Variants in KIF11 observed in about 807,000 individuals in gnomAD.
KIF11 encodes kinesin family member 11.
A neutral mutation model predicts 121.0 loss-of-function variants in KIF11; 9 were observed. That is an observed-to-expected ratio of 0.07 (90% CI 0.04 to 0.13). The LOEUF is 0.13. Ranked by LOEUF, KIF11 falls within the 10% of genes least tolerant of loss-of-function variation. The pLI is 1.00. For synonymous variants in KIF11, 408 were observed against 421.0 expected (o/e 0.97, Z 0.38); for missense variants, 846 against 1,217.5 (o/e 0.69, Z 4.54).
rs1844941677 is a variant in KIF11 at position 92,648,153 on chromosome 10, T to C, written c.2548-59T>C. On this transcript the variant is annotated intron_variant, in intron 18 of 21. Coordinates refer to ENST00000260731, the MANE Select transcript of KIF11 (RefSeq NM_004523.4). The stretch of plus-strand genomic sequence containing the variant: ...GAAAAGGTAAGGGAAAATATGATGT[T>C]GAATAAAACACTGGCAACTTTAATT... 4.3e-6 allele frequency: 5 copies of C among 1,161,844 alleles called. No individual in the cohort carries two copies. The South Asian group carries it at 6.1e-5, about 14-fold the overall frequency. 72.0% of individuals were successfully genotyped at this position (1,161,844 alleles called of 1,614,324 possible).
chr10:92,624,299 C>T lies in KIF11; in HGVS notation c.1217+2826C>T, dbSNP rs866535752. Among the ~76,000 whole-genome samples, 15 of 140,352 alleles carry T rather than the reference C, an allele frequency of 1.1e-4. 1 individual carries two copies. The highest frequency in any genetic ancestry group is 2.7e-4 in the African/African-American group (10 of 37,170). 92.1% of individuals were successfully genotyped at this position (140,352 alleles called of 152,430 possible). A position where few individuals can be genotyped will look rare whatever the true frequency, so the allele number is the denominator to read the frequency against. On this transcript the variant is annotated intron_variant, in intron 10 of 21. Transcript: ENST00000260731. The stretch of plus-strand genomic sequence containing the variant: ...AGGCTGGAGTATAGTGGTGTGATCT[C>T]GGCTCACTGCAACCTCTGCCTCCCA...
intron 21 of KIF11, among the ~76,000 whole-genome samples, chr10:92,651,655 C>T (rs1844986479): frequency 6.6e-6 from 1 of 151,156 alleles, no homozygotes; most frequent in Admixed American, 6.6e-5. Context: ...GTGTGAGCCA[C>T]CGGCCCGGCC....
rs1320271428 is a variant in KIF11 at position 92,639,808 on chromosome 10, A to T, written c.2175A>T (p.Leu725Phe). 4 of 1,606,492 alleles carry T rather than the reference A, an allele frequency of 2.5e-6. No homozygotes were observed. In the South Asian group the frequency reaches 4.5e-5, roughly 18 times the overall value. The change falls in exon 17 of 22, where the codon TTA (leucine) becomes TTT (phenylalanine). Residue 725 changes from leucine to phenylalanine, a missense_variant. Leu to Phe is a conservative substitution (Grantham distance 22, BLOSUM62 0). This residue lies in a region of KIF11 where 492 missense variants were observed against 603.4 expected (regional missense o/e 0.82). Transcript: ENST00000260731. Reference sequence around the variant, plus strand: ...CTTTCTTACAGGAACTTTGCAAGTTAATGAATCTTTGGACAGAGAGATTCT... The same window carrying T: ...CTTTCTTACAGGAACTTTGCAAGTTTATGAATCTTTGGACAGAGAGATTCT... Reference protein sequence around the residue: ...KQTHSQELCKLMNLWTERFCA... With the variant: ...KQTHSQELCKFMNLWTERFCA...
At chr10:92,627,217 C>T (rs1564711214) in intron 10 of KIF11, among the ~76,000 whole-genome samples, 4 of 152,148 alleles carry the variant, frequency 2.6e-5, no homozygotes, top group Admixed American at 1.3e-4. Context: ...GAATCTTTGT[C>T]ATTTAAGCAT....
At chr10:92,617,954 G>A (rs2135907820) in intron 9 of KIF11, among the ~76,000 whole-genome samples, 1 of 152,226 alleles carries the variant, frequency 6.6e-6, no homozygotes, top group South Asian at 2.1e-4. Context: ...TGGCCAGGCT[G>A]GTCTTGAACT....
At chr10:92,636,791 G>A (rs1050064487) in intron 14 of KIF11, among the ~76,000 whole-genome samples, 1 of 151,816 alleles carries the variant, frequency 6.6e-6, no homozygotes, top group African/African-American at 2.4e-5. Flanking sequence ...TCAGCACTTT[G>A]GGAGGCCACG....
chr10:92,641,068 C>T (rs777441552), intron 17 of KIF11, among the ~76,000 whole-genome samples: 9 of 152,154 alleles, frequency 5.9e-5, no homozygotes, highest in Non-Finnish European at 1.3e-4. Context: ...TTTAATGTTG[C>T]TTTGTAGCCT....
chr10:92,629,041 C>T (rs1844706959), intron 11 of KIF11, 146 bp downstream of exon 11: 5 of 524,848 alleles, frequency 9.5e-6, no homozygotes, highest in South Asian at 4.5e-5. Context: ...AGTGCAATAG[C>T]GTGATCTCGG....
In KIF11 at chr10:92,609,005, T is replaced by C. The variant is rs372531585; in HGVS notation, c.388-15T>C. On this transcript the variant is annotated splice_polypyrimidine_tract_variant and intron_variant, in intron 4 of 21. Coordinates refer to ENST00000260731, the MANE Select transcript of KIF11 (RefSeq NM_004523.4). ...TGGCATTCTTCCTTTATATTAGTCC[T>C]TATTATAATTTCAGGATCCCTTGGC... 1.1e-5 allele frequency: 16 copies of C among 1,455,222 alleles called. No homozygotes were observed. Among genetic ancestry groups the C allele is most frequent in the African/African-American group, 4.2e-5 (3 of 70,610 alleles). The allele number at this position is 1,455,222 out of a possible 1,614,324, so 90.1% of individuals were successfully genotyped here.
chr10:92,607,258 A>G (rs754415696), intron 4 of KIF11, 21 bp downstream of exon 4: 4 of 1,403,370 alleles, frequency 2.9e-6, no homozygotes, highest in African/African-American at 2.8e-5. Context: ...TTTATAACAT[A>G]CTTTTATCTC....
intron 9 of KIF11, among the ~76,000 whole-genome samples, chr10:92,618,366 C>G (rs570667519): frequency 3.3e-5 from 5 of 151,070 alleles, no homozygotes; most frequent in African/African-American, 1.2e-4. Context: ...GAAAACAGGC[C>G]AGGCACGGTG....
chr10:92,631,242 C>T (rs947902775), intron 12 of KIF11, among the ~76,000 whole-genome samples: 5 of 149,158 alleles, frequency 3.4e-5, no homozygotes, highest in African/African-American at 1.2e-4. Context: ...TGCAGTGAAC[C>T]GAGATCATGC....
At chr10:92,620,078 C>CTTTTTTT (rs1270524883) in intron 9 of KIF11, among the ~76,000 whole-genome samples, 6 of 125,496 alleles carry the variant, frequency 4.8e-5, no homozygotes, top group African/African-American at 5.9e-5. Flanking sequence ...GGTTCTTTGT[C>CTTTTTTT]TTTTTTTTTT....
In KIF11 at chr10:92,614,021, T is replaced by TACAC. The variant is rs71028831; in HGVS notation, c.1032+444_1032+447dup. On this transcript the variant is annotated intron_variant, in intron 8 of 21. Transcript: ENST00000260731. The stretch of plus-strand genomic sequence containing the variant: ...ATAAAAAAAAAGAAAAGTATGTGTA[T>TACAC]ACACACACACACACACACACACACA... 8.7e-3 allele frequency among the ~76,000 whole-genome samples: 1,098 copies of TACAC among 126,926 alleles called. 7 individuals are homozygous for TACAC. The highest frequency in any genetic ancestry group is 0.014 in the African/African-American group (428 of 30,982). 83.3% of individuals were successfully genotyped at this position (126,926 alleles called of 152,430 possible). A position where few individuals can be genotyped will look rare whatever the true frequency, so the allele number is the denominator to read the frequency against.
At position 92,593,251 on chromosome 10, in the gene KIF11, CT is replaced by C; in HGVS notation, c.-124del. On this transcript the variant is annotated 5_prime_UTR_variant, in exon 1 of 22. Transcript: ENST00000260731. ...GGACGCCGACCTGCGTGCGTCGGTC[CT>C]CCAGGCCACGCCAGCGCCCGAGAGG... The C allele has an allele frequency of 1.1e-6, 1 of 941,086 alleles. No individual in the cohort carries two copies. The highest frequency in any genetic ancestry group is 1.6e-6 in the Non-Finnish European group (1 of 629,492). 58.3% of individuals were successfully genotyped at this position (941,086 alleles called of 1,614,324 possible).
intron 16 of KIF11, 96 bp downstream of exon 16, chr10:92,637,641 T>C (rs1427739645): frequency 2.4e-6 from 3 of 1,233,838 alleles, no homozygotes; most frequent in Non-Finnish European, 3.4e-6. Flanking sequence ...ATCTGAATAC[T>C]GTAAAAGCTG....
At position 92,639,870 on chromosome 10, in the gene KIF11, C is replaced by G. The variant is rs748519260; in HGVS notation, c.2237C>G (p.Pro746Arg). ...GAAAAGTGTGAAAATATACAGAAACCACTTAGTAGTGTCCAGGAAAATATA... is the reference window on the plus strand; with the variant it reads ...GAAAAGTGTGAAAATATACAGAAACGACTTAGTAGTGTCCAGGAAAATATA... ...LEEKCENIQK[P>R]LSSVQENIQQ... The change falls in exon 17 of 22, where the codon CCA becomes CGA. Residue 746 changes from proline (P) to arginine (R), a missense_variant. Pro to Arg is a moderately radical substitution (Grantham distance 103, BLOSUM62 -2). Around this residue, in one of 5 missense-constraint regions of KIF11, gnomAD observed 492 missense variants for 603.4 expected, o/e 0.82. Transcript: ENST00000260731. 2.6e-5 allele frequency: 41 copies of G among 1,604,406 alleles called. No homozygotes were observed. The highest frequency in any genetic ancestry group is 3.4e-5 in the Non-Finnish European group (40 of 1,172,322).
chr10:92,625,970 A>G (rs1446321463), intron 10 of KIF11, among the ~76,000 whole-genome samples: 1 of 152,214 alleles, frequency 6.6e-6, no homozygotes, highest in Non-Finnish European at 1.5e-5. Flanking sequence ...CATGGATAAG[A>G]AGAATCAATA....
chr10:92,636,649 C>T (rs1403092734), intron 14 of KIF11, among the ~76,000 whole-genome samples: 2 of 151,494 alleles, frequency 1.3e-5, no homozygotes, highest in African/African-American at 4.9e-5. Flanking sequence ...TGTGTTTTCA[C>T]TGGGCTTGAA....
Sources: allele counts gnomAD v4.1 joint callset (sites outside exome capture counted in the v4.1 genomes callset), GRCh38; gene constraint gnomAD v4.1.1; regional missense constraint gnomAD v4.1.1; transcripts MANE v1.5; gene names NCBI Gene and HGNC (gene_info 2026-07-23, HGNC 2026-07-21).